PCDHA3: variants seen among roughly 807,000 people sequenced by gnomAD.
The protein encoded by PCDHA3 is protocadherin alpha 3.
In PCDHA3, 41 loss-of-function variants were observed where a neutral mutation model predicts 62.2. The ratio of observed to expected loss-of-function variants is 0.66; its 90% CI spans 0.51 to 0.86. The LOEUF (loss-of-function observed/expected upper bound fraction) is 0.86. Among genes scored for constraint, PCDHA3 ranks in the 40% least tolerant of loss-of-function variants. The pLI is 0.00. For synonymous variants in PCDHA3, 640 were observed against 555.4 expected (o/e 1.15, Z -2.14); for missense variants, 1,304 against 1,241.2 (o/e 1.05, Z -0.76).
intron 1 of PCDHA3, among the ~76,000 whole-genome samples, chr5:140,898,521 AGGG>A (rs1583310812): frequency 6.6e-6 from 1 of 152,252 alleles, no homozygotes; most frequent in East Asian, 1.9e-4. Context: ...GTTATTTCTG[AGGG>A]CTCTGTTCTG....
At chr5:140,868,988 C>T in intron 1 of PCDHA3, 1 of 1,506,234 alleles carries the variant, frequency 6.6e-7, no homozygotes, top group Non-Finnish European at 8.9e-7. Context: ...CCGGATGCCA[C>T]CGTTTAAGGA....
chr5:140,870,413 C>T (rs200037363), intron 1 of PCDHA3: 2 of 1,614,242 alleles, frequency 1.2e-6, no homozygotes, highest in South Asian at 2.2e-5. Flanking sequence ...CTGTGGGCCA[C>T]GGCCAGGGTA....
chr5:140,961,632 A>T (rs373824042), intron 1 of PCDHA3, among the ~76,000 whole-genome samples: 2 of 152,214 alleles, frequency 1.3e-5, no homozygotes, highest in African/African-American at 4.8e-5. Context: ...ATGAAAAACA[A>T]TCTTAAGTCT....
At chr5:140,819,152 A>C (rs76356631) in intron 1 of PCDHA3, among the ~76,000 whole-genome samples, 1 of 152,204 alleles carries the variant, frequency 6.6e-6, no homozygotes, top group Non-Finnish European at 1.5e-5. Context: ...TAATTTTTAT[A>C]CAGAATTAAT....
chr5:140,924,472 G>A (rs938412564), intron 1 of PCDHA3, among the ~76,000 whole-genome samples: 1 of 152,188 alleles, frequency 6.6e-6, no homozygotes, highest in African/African-American at 2.4e-5. Flanking sequence ...GAGGTAACTG[G>A]TTTTTAGTGG....
At chr5:140,943,908 C>G (rs1554216015) in intron 1 of PCDHA3, among the ~76,000 whole-genome samples, 1 of 152,198 alleles carries the variant, frequency 6.6e-6, no homozygotes, top group Admixed American at 6.5e-5. Context: ...GTCATGAGCA[C>G]TTTAGCATGA....
At chr5:140,850,669 C>A in intron 1 of PCDHA3, 1 of 1,598,502 alleles carries the variant, frequency 6.3e-7, no homozygotes, top group South Asian at 1.1e-5. Flanking sequence ...CGGTGCTCGG[C>A]GATGCCCACC....
At chr5:140,962,203 C>T (rs1431150597) in intron 1 of PCDHA3, among the ~76,000 whole-genome samples, 1 of 152,086 alleles carries the variant, frequency 6.6e-6, no homozygotes, top group African/African-American at 2.4e-5. Flanking sequence ...CTTCCTATCT[C>T]CTTATTGATC....
chr5:141,005,164 G>A (rs782398186), intron 3 of PCDHA3, among the ~76,000 whole-genome samples: 2 of 152,178 alleles, frequency 1.3e-5, no homozygotes, highest in Non-Finnish European at 2.9e-5. Context: ...TAAAGAGTGG[G>A]TACCACTTTC....
intron 1 of PCDHA3, chr5:140,882,691 C>G (rs201544181): frequency 1.2e-6 from 2 of 1,614,216 alleles, no homozygotes; most frequent in Admixed American, 1.7e-5. Context: ...AACGAATAAT[C>G]ATTGCAGAAT....
At chr5:140,809,012 T>A (rs1225926404) in intron 1 of PCDHA3, 1 of 1,613,674 alleles carries the variant, frequency 6.2e-7, no homozygotes, top group Non-Finnish European at 8.5e-7. Context: ...GTGGCTTTCG[T>A]ACGAGCTGCA....
intron 1 of PCDHA3, chr5:140,863,133 G>T (rs2047814450): frequency 5.0e-6 from 3 of 600,930 alleles, no homozygotes; most frequent in African/African-American, 1.9e-5. Flanking sequence ...GCCACCGCCT[G>T]CTGGTGCTGG....
chr5:140,850,673 G>T (rs2150493281), intron 1 of PCDHA3: 2 of 1,598,494 alleles, frequency 1.3e-6, no homozygotes, highest in African/African-American at 2.7e-5. Context: ...GCTCGGCGAT[G>T]CCCACCGAGG....
At chr5:140,937,020 G>A (rs2091265832) in intron 1 of PCDHA3, among the ~76,000 whole-genome samples, 1 of 151,388 alleles carries the variant, frequency 6.6e-6, no homozygotes. Flanking sequence ...CGATTAACAA[G>A]GTATATTCTT....
intron 1 of PCDHA3, chr5:140,835,800 C>T (rs1773939889): frequency 2.5e-6 from 4 of 1,612,944 alleles, no homozygotes; most frequent in Non-Finnish European, 3.4e-6. Context: ...GCCGGGCTGC[C>T]ACATCTTCAC....
intron 1 of PCDHA3, among the ~76,000 whole-genome samples, chr5:140,954,720 T>C (rs1255262640): frequency 1.3e-5 from 2 of 152,168 alleles, no homozygotes; most frequent in African/African-American, 4.8e-5. Context: ...ATTCTGTAGG[T>C]TGTCTTTTCA....
chr5:140,875,651 T>C lies in PCDHA3; in HGVS notation c.2394+72060T>C, dbSNP rs782085221. 1.4e-5 allele frequency: 23 copies of C among 1,613,722 alleles called. No homozygotes were observed. The East Asian group carries it at 5.1e-4, about 36-fold the overall frequency. On this transcript the variant is annotated intron_variant, in intron 1 of 3. Transcript: ENST00000522353. The stretch of plus-strand genomic sequence containing the variant: ...CTGGGGCTGGAGCTGGCGGAGCTGG[T>C]GCCGCGCCTGTTCCGGGTGGCGTCC...
At chr5:140,807,395 G>GC (rs782764363) in intron 1 of PCDHA3, 1 of 994,818 alleles carries the variant, frequency 1.0e-6, no homozygotes, top group Non-Finnish European at 1.4e-6. Context: ...GGCGTCCAAG[G>GC]GCCGCGGAGG....
At chr5:140,846,180 G>A (rs1196711565) in intron 1 of PCDHA3, among the ~76,000 whole-genome samples, 4 of 149,348 alleles carry the variant, frequency 2.7e-5, no homozygotes, top group East Asian at 1.9e-4. Context: ...CTGAGTAGGC[G>A]TTTGAGTTCT....
Sources: gnomAD v4.1 joint callset for allele counts (sites outside exome capture counted in the v4.1 genomes callset) on GRCh38, gnomAD v4.1.1 for gene constraint, MANE v1.5 for transcripts, NCBI Gene and HGNC (gene_info 2026-07-23, HGNC 2026-07-21) for gene names.